The following STK10 variants were observed in gnomAD, a reference collection of about 807,000 sequenced individuals.
The protein encoded by STK10 is serine/threonine-protein kinase 10.
STK10 carries 78 observed loss-of-function variants against 113.8 expected under a neutral mutation model. The observed-to-expected ratio is 0.69, with a 90% CI of 0.57 to 0.83. STK10 has a LOEUF of 0.83. Among genes scored for constraint, STK10 ranks in the 40% least tolerant of loss-of-function variants. The pLI, the probability that STK10 is intolerant of heterozygous loss-of-function variation, is 0.00. For missense variants in STK10, 1,109 were observed against 1,280.1 expected, an observed-to-expected ratio of 0.87 and a Z score of 2.04; for synonymous variants, 465 against 494.7, an observed-to-expected ratio of 0.94 and a Z score of 0.80.
At chr5:172,160,437 T>G (rs1581185367) in intron 1 of STK10, among the ~76,000 whole-genome samples, 2 of 147,254 alleles carry the variant, frequency 1.4e-5, no homozygotes, top group East Asian at 2.0e-4. Context: ...ATCGCACCAC[T>G]GCACTCCAGC....
rs1281005180 is a variant in STK10, at chr5:172,143,636, C to T, written c.321+12988G>A. 3.3e-5 allele frequency among the ~76,000 whole-genome samples: 5 copies of T among 152,202 alleles called. No individual in the cohort carries two copies. In the South Asian group the frequency reaches 1.0e-3, roughly 31 times the overall value. On this transcript the variant is annotated intron_variant, in intron 2 of 18. Transcript: ENST00000176763. ...CCATCCTTCTGTGGGGCTGTCCTGA[C>T]CTCTTTCCTGCTCTGAGCCTCCGCT...
chr5:172,110,257 G>A (rs3111480), intron 4 of STK10, among the ~76,000 whole-genome samples: 21,727 of 152,270 alleles, frequency 0.14, 1,677 homozygotes, highest in African/African-American at 0.2. Context: ...ACAGTAGGGG[G>A]TGTGACCTCG....
intron 1 of STK10, among the ~76,000 whole-genome samples, chr5:172,174,790 C>T (rs1454644965): frequency 2.0e-5 from 3 of 152,078 alleles, no homozygotes; most frequent in African/African-American, 7.2e-5. Context: ...GACCCGCCAG[C>T]GCAATGGCAA....
chr5:172,072,753 T>C (rs1462820550), intron 12 of STK10, among the ~76,000 whole-genome samples: 1 of 152,122 alleles, frequency 6.6e-6, no homozygotes, highest in Non-Finnish European at 1.5e-5. Flanking sequence ...AACATCCTAC[T>C]GGAGGCCTTG....
intron 9 of STK10, chr5:172,092,286 A>G (rs10043350): frequency 0.34 from 52,343 of 152,566 alleles, 11,836 homozygotes; most frequent in African/African-American, 0.65. Context: ...GGGTGCCGGC[A>G]CAGCGGGGGA....
rs148125539 is a variant in STK10 at position 172,051,727 on chromosome 5, A to C, written c.2766+1202T>G. Among the ~76,000 whole-genome samples the C allele has an allele frequency of 1.8e-3, 281 of 152,278 alleles. 1 individual carries two copies. Among genetic ancestry groups the C allele is most frequent in the Middle Eastern group, 6.8e-3 (2 of 294 alleles). On this transcript the variant is annotated intron_variant, in intron 18 of 18. Coordinates refer to ENST00000176763, the MANE Select transcript of STK10 (RefSeq NM_005990.4). ...CCCAGCAGAAGGTGGGCCTAGGAGG[A>C]CAAGGCAGGCGAGGAAGAGAGTGAC... is the stretch of plus-strand genomic sequence containing the variant.
chr5:172,186,444 C>T (rs761933653), intron 1 of STK10, among the ~76,000 whole-genome samples: 1 of 151,766 alleles, frequency 6.6e-6, no homozygotes, highest in South Asian at 2.1e-4. Context: ...GGCTACGTGG[C>T]GAAACCCCAA....
chr5:172,156,955 T>G (rs1770361243), intron 1 of STK10, among the ~76,000 whole-genome samples, 167 bp from the exon 2 acceptor site: 1 of 152,104 alleles, frequency 6.6e-6, no homozygotes, highest in South Asian at 2.1e-4. Flanking sequence ...TGTCTGTACT[T>G]AAGAGTAAGT....
chr5:172,164,395 TGA>T (rs914562788), intron 1 of STK10, among the ~76,000 whole-genome samples: 2 of 152,088 alleles, frequency 1.3e-5, no homozygotes, highest in African/African-American at 4.8e-5. Flanking sequence ...GCACTAAAGC[TGA>T]GAGAGGGCAT....
intron 18 of STK10, 72 bp downstream of exon 18, chr5:172,052,857 G>T: frequency 1.4e-6 from 2 of 1,455,998 alleles, no homozygotes; most frequent in Admixed American, 1.7e-5. Context: ...GACCTAACAT[G>T]TCCTGGCCAG....
chr5:172,045,412 C>G, intron 18 of STK10: 1 of 462,922 alleles, frequency 2.2e-6, no homozygotes, highest in Non-Finnish European at 4.3e-6. Flanking sequence ...TTTTTTTTTT[C>G]AAAATACACA....
At chr5:172,159,541 G>GC (rs2113820979) in intron 1 of STK10, among the ~76,000 whole-genome samples, 1 of 152,192 alleles carries the variant, frequency 6.6e-6, no homozygotes, top group East Asian at 1.9e-4. Context: ...AAAGAAAACA[G>GC]CCGGGCACAG....
intron 12 of STK10, among the ~76,000 whole-genome samples, chr5:172,077,447 C>A (rs1286050389): frequency 6.6e-6 from 1 of 152,190 alleles, no homozygotes. Context: ...GCCAGTTTCT[C>A]ATGGATGCTA....
chr5:172,138,823 T>C (rs560943785), intron 2 of STK10, among the ~76,000 whole-genome samples: 11 of 152,046 alleles, frequency 7.2e-5, no homozygotes, highest in East Asian at 5.8e-4. Context: ...CCATCCTGGC[T>C]AACACAGTGA....
At chr5:172,102,078 C>T (rs1379953576) in intron 7 of STK10, among the ~76,000 whole-genome samples, 1 of 152,026 alleles carries the variant, frequency 6.6e-6, no homozygotes, top group Non-Finnish European at 1.5e-5. Flanking sequence ...ATGAGCTGGC[C>T]CCTGTTGAGA....
intron 12 of STK10, among the ~76,000 whole-genome samples, chr5:172,065,216 G>A (rs543886390): frequency 2.6e-5 from 4 of 151,440 alleles, no homozygotes; most frequent in South Asian, 4.2e-4. Context: ...AGACAATATC[G>A]TCAATCTGAC....
intron 14 of STK10, among the ~76,000 whole-genome samples, chr5:172,057,780 T>C (rs1310186902): frequency 6.6e-6 from 1 of 152,160 alleles, no homozygotes; most frequent in African/African-American, 2.4e-5. Flanking sequence ...GGATTAGGAA[T>C]GGAGAGGTTC....
intron 2 of STK10, among the ~76,000 whole-genome samples, chr5:172,144,547 T>A (rs530198595): frequency 6.6e-6 from 1 of 152,192 alleles, no homozygotes; most frequent in African/African-American, 2.4e-5. Context: ...AATCTCCCCA[T>A]CTCTGAGCTC....
rs1418250596 is a variant in STK10 at position 172,087,818 on chromosome 5, C to T, written c.1685+2414G>A. Among the ~76,000 whole-genome samples the T allele has an allele frequency of 6.3e-5, 7 of 111,010 alleles. 2 individuals carry two copies. The highest frequency in any genetic ancestry group is 1.2e-4 in the African/African-American group (3 of 24,160). 72.8% of individuals were successfully genotyped at this position (111,010 alleles called of 152,430 possible). A position where few individuals can be genotyped will look rare whatever the true frequency, so the allele number is the denominator to read the frequency against. Reference sequence around the variant, plus strand: ...TAATTTTTTGTATTTTTAGTAGAGACGGGGTTTCACCTTGTTAGCCAGGAT... The same window carrying T: ...TAATTTTTTGTATTTTTAGTAGAGATGGGGTTTCACCTTGTTAGCCAGGAT... On this transcript the variant is annotated intron_variant, in intron 10 of 18. Transcript: ENST00000176763.
Sources: allele counts gnomAD v4.1 joint callset (sites outside exome capture counted in the v4.1 genomes callset), GRCh38; gene constraint gnomAD v4.1.1; transcripts MANE v1.5; gene names NCBI Gene and HGNC (gene_info 2026-07-23, HGNC 2026-07-21).